The following SMYD3 variants were observed in gnomAD, a reference collection of about 807,000 sequenced individuals.
SMYD3 encodes SET and MYND domain containing 3.
SMYD3 carries 36 observed loss-of-function variants against 57.7 expected under a neutral mutation model. The ratio of observed to expected loss-of-function variants is 0.62; its 90% CI spans 0.48 to 0.82. The LOEUF (loss-of-function observed/expected upper bound fraction) is 0.82, where lower values mean the gene tolerates loss of function less well. SMYD3 is among the 40% of genes least tolerant of loss of function. The pLI is 0.00. For synonymous variants in SMYD3, 211 were observed against 195.0 expected, an observed-to-expected ratio of 1.08 and a Z score of -0.68; for missense variants, 515 against 538.8, an observed-to-expected ratio of 0.96 and a Z score of 0.44.
chr1:246,147,195 G>C (rs974819810), intron 5 of SMYD3, among the ~76,000 whole-genome samples: 1 of 152,124 alleles, frequency 6.6e-6, no homozygotes. Flanking sequence ...GCAAACCCTA[G>C]GGGAAGGGAG....
chr1:245,818,499 T>C (rs962619521), intron 10 of SMYD3, among the ~76,000 whole-genome samples: 1 of 151,962 alleles, frequency 6.6e-6, no homozygotes, highest in African/African-American at 2.4e-5. Context: ...ACGAGCAAAA[T>C]AACCAGCTAA....
At chr1:246,257,389 A>G (rs536439938) in intron 5 of SMYD3, among the ~76,000 whole-genome samples, 1 of 152,312 alleles carries the variant, frequency 6.6e-6, no homozygotes, top group African/African-American at 2.4e-5. Flanking sequence ...TGAATCCTCT[A>G]TCATTATGTA....
chr1:246,234,818 A>G (rs565306400), intron 5 of SMYD3, among the ~76,000 whole-genome samples: 2 of 152,320 alleles, frequency 1.3e-5, no homozygotes, highest in East Asian at 3.9e-4. Flanking sequence ...TGACTACACA[A>G]TTTGGAACTA....
chr1:245,760,083 A>C (rs1301433201), intron 11 of SMYD3, among the ~76,000 whole-genome samples: 2 of 152,224 alleles, frequency 1.3e-5, no homozygotes, highest in Non-Finnish European at 2.9e-5. Flanking sequence ...CAATCACAAG[A>C]ATTTCAGCTG....
At chr1:246,326,264 G>C (rs2065346501) in intron 5 of SMYD3, 1 of 510,382 alleles carries the variant, frequency 2.0e-6, no homozygotes, top group South Asian at 3.5e-5. Flanking sequence ...ATTAAATTGT[G>C]ATCAACATTA....
At chr1:245,850,845 C>T in intron 10 of SMYD3, among the ~76,000 whole-genome samples, 1 of 152,210 alleles carries the variant, frequency 6.6e-6, no homozygotes, top group South Asian at 2.1e-4. Context: ...AACTAGCACC[C>T]ATCAAGCTGG....
chr1:246,211,140 T>C (rs962316249), intron 5 of SMYD3, among the ~76,000 whole-genome samples: 8 of 152,144 alleles, frequency 5.3e-5, no homozygotes, highest in African/African-American at 9.7e-5. Flanking sequence ...ATGAACCAAA[T>C]TGGTCTAAGA....
chr1:246,350,468 G>T (rs571699906), intron 2 of SMYD3, among the ~76,000 whole-genome samples: 35 of 152,290 alleles, frequency 2.3e-4, no homozygotes, highest in African/African-American at 7.9e-4. Flanking sequence ...GACGAGAAGG[G>T]AACCAATTCA....
chr1:246,031,185 C>G (rs1318252285), intron 5 of SMYD3, among the ~76,000 whole-genome samples: 1 of 152,012 alleles, frequency 6.6e-6, no homozygotes, highest in East Asian at 1.9e-4. Context: ...ACAGGGTTTT[C>G]ATAGGAAATC....
Position 246,199,727 on chromosome 1 carries a change from C to T in SMYD3, c.531+127474G>A, listed in dbSNP as rs139690986. 2.4e-3 allele frequency among the ~76,000 whole-genome samples: 361 copies of T among 152,296 alleles called. 2 individuals are homozygous for T. The highest frequency in any genetic ancestry group is 8.3e-3 in the African/African-American group (345 of 41,572). On this transcript the variant is annotated intron_variant, in intron 5 of 11. Coordinates refer to ENST00000490107, the MANE Select transcript of SMYD3 (RefSeq NM_001167740.2). Reference sequence around the variant, plus strand: ...TTGACAATGACACCAAGGCTTTATCCAAGGTGGAAGTTAAACAAAGTAAAC... The same window carrying T: ...TTGACAATGACACCAAGGCTTTATCTAAGGTGGAAGTTAAACAAAGTAAAC...
chr1:245,904,506 C>T (rs1487090586), intron 8 of SMYD3, among the ~76,000 whole-genome samples: 1 of 152,194 alleles, frequency 6.6e-6, no homozygotes. Flanking sequence ...GAAAAGCAAA[C>T]CAAACTCACC....
intron 5 of SMYD3, among the ~76,000 whole-genome samples, chr1:246,266,480 G>A (rs1436787932): frequency 6.6e-6 from 1 of 152,078 alleles, no homozygotes; most frequent in Non-Finnish European, 1.5e-5. Context: ...ATCTTTATAT[G>A]TTCCAACGGT....
chr1:246,054,585 A>C (rs2060116657), intron 5 of SMYD3, among the ~76,000 whole-genome samples: 1 of 152,150 alleles, frequency 6.6e-6, no homozygotes, highest in Non-Finnish European at 1.5e-5. Context: ...AATAATATGA[A>C]TACATCTCAA....
At chr1:245,803,637 T>C (rs1042110651) in intron 10 of SMYD3, among the ~76,000 whole-genome samples, 3 of 152,214 alleles carry the variant, frequency 2.0e-5, no homozygotes, top group Admixed American at 6.5e-5. Flanking sequence ...AACGACATTA[T>C]AGAAATGCCT....
intron 5 of SMYD3, among the ~76,000 whole-genome samples, chr1:246,003,605 A>C (rs1344447234): frequency 6.6e-6 from 1 of 152,180 alleles, no homozygotes; most frequent in Non-Finnish European, 1.5e-5. Context: ...CAAAATTTTC[A>C]ATAAGAAATA....
At chr1:245,764,222 G>A (rs372565860) in intron 10 of SMYD3, 73 bp from the exon 11 acceptor site, 34 of 972,836 alleles carry the variant, frequency 3.5e-5, no homozygotes, top group Middle Eastern at 2.6e-4. Flanking sequence ...AGGAGACTAC[G>A]AAAGTGGAAG....
At chr1:246,480,008 AC>A (rs933178083) in intron 1 of SMYD3, among the ~76,000 whole-genome samples, 1 of 152,136 alleles carries the variant, frequency 6.6e-6, no homozygotes, top group African/African-American at 2.4e-5. Flanking sequence ...TACTCCCCCG[AC>A]CCTTGTTTGG....
At chr1:246,048,997 A>C (rs538454325) in intron 5 of SMYD3, among the ~76,000 whole-genome samples, 1 of 152,266 alleles carries the variant, frequency 6.6e-6, no homozygotes, top group East Asian at 1.9e-4. Context: ...GTGGCATACG[A>C]CGAGAGGATT....
intron 10 of SMYD3, among the ~76,000 whole-genome samples, chr1:245,824,866 A>T (rs1044228057): frequency 6.6e-6 from 1 of 151,320 alleles, no homozygotes; most frequent in African/African-American, 2.4e-5. Flanking sequence ...CAAAAAAAAA[A>T]AAACAAAAAA....
Sources: allele counts gnomAD v4.1 joint callset (sites outside exome capture counted in the v4.1 genomes callset), GRCh38; gene constraint gnomAD v4.1.1; transcripts MANE v1.5; gene names NCBI Gene and HGNC (gene_info 2026-07-23, HGNC 2026-07-21).